Variants in ZNF717 observed in about 807,000 individuals in gnomAD.
ZNF717 encodes krueppel-like factor X17.
A neutral mutation model predicts 13.8 loss-of-function variants in ZNF717; 9 were observed. The ratio of observed to expected loss-of-function variants is 0.65; its 90% CI spans 0.39 to 1.14. The LOEUF is 1.14. Among genes scored for constraint, ZNF717 ranks in the 50% most tolerant of loss-of-function variants. The pLI, the probability that ZNF717 is intolerant of heterozygous loss-of-function variation, is 0.01. For synonymous variants in ZNF717, 327 were observed against 364.1 expected, an observed-to-expected ratio of 0.90 and a Z score of 1.16; for missense variants, 1,040 against 1,080.7, an observed-to-expected ratio of 0.96 and a Z score of 0.53.
rs796955539 is a variant in ZNF717, at chr3:75,743,836, A to G, written c.58-2100T>C. ...TGTGAAGTGAAATTTGCAAAAAATA[A>G]AAGAATACGATAACCAGAAGTGACA... On this transcript the variant is annotated intron_variant, in intron 2 of 4. Transcript: ENST00000652011. 5.1e-4 allele frequency among the ~76,000 whole-genome samples: 77 copies of G among 152,370 alleles called. No homozygotes were observed. The South Asian group carries it at 7.9e-3, about 16-fold the overall frequency.
intron 2 of ZNF717, among the ~76,000 whole-genome samples, chr3:75,757,046 C>T (rs944185983): frequency 6.6e-6 from 1 of 152,254 alleles, no homozygotes; most frequent in East Asian, 1.9e-4. Context: ...GCTAGAAGAG[C>T]TTGTTTCATG....
chr3:75,739,660 TC>T (rs1940097104), intron 4 of ZNF717, among the ~76,000 whole-genome samples: 1 of 136,498 alleles, frequency 7.3e-6, no homozygotes, highest in African/African-American at 2.8e-5. Context: ...CTCATTATTG[TC>T]ATATGTTTTC....
At chr3:75,759,214 G>A (rs368848130) in intron 2 of ZNF717, among the ~76,000 whole-genome samples, 10 of 151,032 alleles carry the variant, frequency 6.6e-5, no homozygotes, top group African/African-American at 1.7e-4. Flanking sequence ...ATGCATGGCC[G>A]TCCTGTATTG....
intron 5 of ZNF717, among the ~76,000 whole-genome samples, chr3:75,730,833 A>G (rs148806284): frequency 0.058 from 5,311 of 91,286 alleles, no homozygotes; most frequent in Middle Eastern, 0.091. Flanking sequence ...AAAGTCTACT[A>G]ATACAATTCA....
chr3:75,697,025 T>C (rs1440680020), intron 6 of ZNF717, among the ~76,000 whole-genome samples: 681 of 145,924 alleles, frequency 4.7e-3, no homozygotes, highest in African/African-American at 0.019. Context: ...GGAATGAACA[T>C]ACCTCAACAT....
intron 2 of ZNF717, among the ~76,000 whole-genome samples, chr3:75,755,518 G>A (rs186065633): frequency 1.3e-5 from 2 of 152,178 alleles, no homozygotes; most frequent in African/African-American, 2.4e-5. Flanking sequence ...CACACAGATA[G>A]ATTATGTATG....
chr3:75,765,657 C>T lies in ZNF717; in HGVS notation c.57+17649G>A, dbSNP rs982010094. 1.4e-4 allele frequency among the ~76,000 whole-genome samples: 22 copies of T among 152,226 alleles called. 1 individual carries two copies. The highest frequency in any genetic ancestry group is 1.1e-3 in the Admixed American group (17 of 15,298). On this transcript the variant is annotated intron_variant, in intron 2 of 4. Transcript: ENST00000652011. ...CACCTCCTGGGCTCAAGCAATCCAC[C>T]TCCCCTGGCTTCCCACAGAGCTGAG...
At chr3:75,711,891 TTTA>T (rs1937946722) in intron 5 of ZNF717, among the ~76,000 whole-genome samples, 1 of 152,244 alleles carries the variant, frequency 6.6e-6, no homozygotes, top group African/African-American at 2.4e-5. Flanking sequence ...ATAGCCATGG[TTTA>T]AAATCTGATC....
chr3:75,705,099 G>C (rs143476222), downstream of ZNF717, among the ~76,000 whole-genome samples: 10 of 145,432 alleles, frequency 6.9e-5, no homozygotes, highest in African/African-American at 2.6e-4. Context: ...TTAACCATAA[G>C]GTCATCTTTG....
intron 2 of ZNF717, among the ~76,000 whole-genome samples, chr3:75,770,412 T>C (rs554850373): frequency 3.7e-4 from 56 of 152,058 alleles, no homozygotes; most frequent in African/African-American, 1.2e-3. Context: ...AATACAAAAT[T>C]AGCTGGGCGT....
intron 2 of ZNF717, among the ~76,000 whole-genome samples, chr3:75,761,498 A>G (rs1426202005): frequency 1.3e-5 from 2 of 152,266 alleles, no homozygotes; most frequent in East Asian, 1.9e-4. Context: ...TGCCACTTCT[A>G]TTCACCACAG....
chr3:75,720,197 A>C (rs201653486), intron 4 of ZNF717, among the ~76,000 whole-genome samples: 2 of 152,062 alleles, frequency 1.3e-5, no homozygotes, highest in Non-Finnish European at 2.9e-5. Flanking sequence ...AGACACATAC[A>C]CTAATATATT....
At chr3:75,717,858 T>C (rs1391664063) in intron 4 of ZNF717, among the ~76,000 whole-genome samples, 5 of 152,232 alleles carry the variant, frequency 3.3e-5, no homozygotes, top group Non-Finnish European at 4.4e-5. Context: ...ACAATTCATT[T>C]TCAACAGGCA....
intron 2 of ZNF717, among the ~76,000 whole-genome samples, chr3:75,765,637 C>T (rs1311814133): frequency 1.3e-5 from 2 of 152,100 alleles, no homozygotes; most frequent in African/African-American, 4.8e-5. Context: ...GTCTCCACCT[C>T]CTGGGCTCAA....
At chr3:75,747,615 T>G (rs1284117495) in intron 2 of ZNF717, among the ~76,000 whole-genome samples, 1 of 152,166 alleles carries the variant, frequency 6.6e-6, no homozygotes, top group African/African-American at 2.4e-5. Flanking sequence ...TTATTCTCTT[T>G]GAAGCAAATT....
At chr3:75,784,862 C>G (rs1031494381) in intron 1 of ZNF717, 13 of 152,296 alleles carry the variant, frequency 8.5e-5, no homozygotes, top group African/African-American at 3.1e-4. Context: ...GCTTCTTATT[C>G]ATAGGGAACC....
intron 2 of ZNF717, among the ~76,000 whole-genome samples, chr3:75,748,475 C>T (rs1429398833): frequency 6.6e-6 from 1 of 152,152 alleles, no homozygotes; most frequent in Non-Finnish European, 1.5e-5. Context: ...AGCAGCACAT[C>T]AAAAAGCTTA....
chr3:75,734,417 A>C (rs1476158272), downstream of ZNF717, among the ~76,000 whole-genome samples: 6 of 90,588 alleles, frequency 6.6e-5, no homozygotes, highest in African/African-American at 2.6e-4. Flanking sequence ...AGTGGTGGTA[A>C]AATGGGTTTT....
At chr3:75,696,933 T>A (rs11720522) in intron 6 of ZNF717, among the ~76,000 whole-genome samples, 8,685 of 93,440 alleles carry the variant, frequency 0.093, no homozygotes, top group Non-Finnish European at 0.16. Context: ...ACAAAATCCA[T>A]ATAATCATTT....
Sources: gnomAD v4.1 joint callset for allele counts (sites outside exome capture counted in the v4.1 genomes callset) on GRCh38, gnomAD v4.1.1 for gene constraint, MANE v1.5 for transcripts, NCBI Gene and HGNC (gene_info 2026-07-23, HGNC 2026-07-21) for gene names.